The following DLGAP1 variants were observed in gnomAD, a reference collection of about 807,000 sequenced individuals.
DLGAP1 encodes the protein disks large-associated protein 1.
DLGAP1 carries 11 observed loss-of-function variants against 90.8 expected under a neutral mutation model. That is an observed-to-expected ratio of 0.12 (90% confidence interval 0.08 to 0.20). The LOEUF (loss-of-function observed/expected upper bound fraction) is 0.20. Ranked by LOEUF, DLGAP1 falls within the 10% of genes least tolerant of loss-of-function variation. DLGAP1 has a pLI of 1.00. For missense variants in DLGAP1, 1,050 were observed against 1,333.8 expected, an observed-to-expected ratio of 0.79 and a Z score of 3.31; for synonymous variants, 558 against 540.7, an observed-to-expected ratio of 1.03 and a Z score of -0.44.
intron 10 of DLGAP1, among the ~76,000 whole-genome samples, chr18:3,523,276 C>T (rs2051335141): frequency 6.6e-6 from 1 of 151,700 alleles, no homozygotes; most frequent in Non-Finnish European, 1.5e-5. Context: ...ACTCAGGAGG[C>T]TGAGGCAGGA....
At chr18:3,958,012 G>C (rs1406716240) in intron 3 of DLGAP1, among the ~76,000 whole-genome samples, 1 of 151,644 alleles carries the variant, frequency 6.6e-6, no homozygotes, top group Admixed American at 6.6e-5. Flanking sequence ...TCATGCCTCA[G>C]CCTCCTGAAT....
rs1568109204 is a variant in DLGAP1 at position 3,772,376 on chromosome 18, CTTTCTT to C, written c.1173-29870_1173-29865del. Among the ~76,000 whole-genome samples the C allele has an allele frequency of 7.2e-4, 15 of 20,830 alleles. 1 individual carries two copies. The South Asian group carries it at 9.5e-3, about 13-fold the overall frequency. 13.7% of individuals were successfully genotyped at this position (20,830 alleles called of 152,430 possible). A position where few individuals can be genotyped will look rare whatever the true frequency, so the allele number is the denominator to read the frequency against. On this transcript the variant is annotated intron_variant, in intron 5 of 12. Transcript: ENST00000315677. ...TCTTTCTTTCTTTCTTTCTTTCTTT[CTTTCTT>C]TCTTTCTTTCTTTCTTTCTTTCTTT...
intron 1 of DLGAP1, among the ~76,000 whole-genome samples, chr18:4,345,581 A>C (rs535916382): frequency 1.9e-4 from 29 of 152,354 alleles, no homozygotes; most frequent in African/African-American, 7.0e-4. Context: ...TAGGTTTCAC[A>C]CAACTATATT....
chr18:4,306,426 A>T (rs899166235), intron 1 of DLGAP1, among the ~76,000 whole-genome samples: 80 of 130,436 alleles, frequency 6.1e-4, no homozygotes, highest in African/African-American at 2.5e-3. Context: ...AGAAAGTAAG[A>T]GTGTGTGTGT....
intron 1 of DLGAP1, among the ~76,000 whole-genome samples, chr18:4,390,611 A>T (rs892712169): frequency 7.9e-5 from 12 of 152,146 alleles, no homozygotes; most frequent in African/African-American, 2.9e-4. Context: ...ATACAGTTGG[A>T]GTCATACAGT....
chr18:3,542,870 A>T (rs1280287911), intron 9 of DLGAP1, among the ~76,000 whole-genome samples: 3 of 152,212 alleles, frequency 2.0e-5, no homozygotes, highest in Non-Finnish European at 4.4e-5. Flanking sequence ...ATTCACACTT[A>T]TCTCTTGTTT....
intron 4 of DLGAP1, among the ~76,000 whole-genome samples, chr18:3,859,254 C>T (rs1057209426): frequency 2.0e-5 from 3 of 152,048 alleles, no homozygotes; most frequent in Admixed American, 6.6e-5. Flanking sequence ...GTGAAATATC[C>T]AGGGACCAGT....
intron 1 of DLGAP1, among the ~76,000 whole-genome samples, chr18:4,162,265 G>T (rs1401047984): frequency 6.6e-6 from 1 of 152,142 alleles, no homozygotes; most frequent in Admixed American, 6.5e-5. Flanking sequence ...ATACTCAAAA[G>T]CCTACTAGTT....
intron 3 of DLGAP1, among the ~76,000 whole-genome samples, chr18:3,883,704 C>G (rs984279010): frequency 4.6e-5 from 7 of 152,192 alleles, no homozygotes; most frequent in Non-Finnish European, 1.0e-4. Context: ...GACTGTGTGG[C>G]AAAGGCCAGG....
intron 2 of DLGAP1, among the ~76,000 whole-genome samples, chr18:4,015,456 G>A (rs2074506163): frequency 6.6e-6 from 1 of 152,168 alleles, no homozygotes; most frequent in Non-Finnish European, 1.5e-5. Context: ...TGGAAATTAA[G>A]GTAGTCTACT....
intron 3 of DLGAP1, among the ~76,000 whole-genome samples, chr18:3,880,814 G>A (rs191248470): frequency 0.037 from 5,661 of 151,480 alleles, 318 homozygotes; most frequent in African/African-American, 0.12. Flanking sequence ...GTGGTGGTGG[G>A]TGCCTGTAAT....
At chr18:3,597,195 C>T (rs376847676) in intron 7 of DLGAP1, 23 of 519,154 alleles carry the variant, frequency 4.4e-5, no homozygotes, top group East Asian at 3.8e-4. Context: ...TGAGAGCCAG[C>T]GAACTTTCTT....
At chr18:4,433,274 G>GA (rs1383865038) in intron 1 of DLGAP1, among the ~76,000 whole-genome samples, 1 of 152,202 alleles carries the variant, frequency 6.6e-6, no homozygotes, top group African/African-American at 2.4e-5. Context: ...TAAGGTGCCA[G>GA]AAAGGGACTA....
intron 5 of DLGAP1, chr18:3,774,089 A>G (rs1428287736): frequency 1.3e-5 from 2 of 152,182 alleles, no homozygotes; most frequent in Non-Finnish European, 2.9e-5. Context: ...GAAGGTCTGC[A>G]GCAGTCGCCA....
At chr18:3,558,747 A>G (rs2053904321) in intron 9 of DLGAP1, among the ~76,000 whole-genome samples, 2 of 151,984 alleles carry the variant, frequency 1.3e-5, no homozygotes. Flanking sequence ...TTTTCAATCT[A>G]TATCTGTCTT....
intron 2 of DLGAP1, among the ~76,000 whole-genome samples, chr18:4,035,012 C>CT (rs1186009749): frequency 1.3e-5 from 2 of 152,102 alleles, no homozygotes; most frequent in Non-Finnish European, 2.9e-5. Context: ...TGAACTCATC[C>CT]TTTTTTATGG....
intron 1 of DLGAP1, among the ~76,000 whole-genome samples, chr18:4,295,690 A>T (rs1473061964): frequency 6.6e-6 from 1 of 152,200 alleles, no homozygotes; most frequent in Non-Finnish European, 1.5e-5. Flanking sequence ...ATACTCTCTG[A>T]TCTTCTATTT....
intron 5 of DLGAP1, among the ~76,000 whole-genome samples, chr18:3,758,934 A>C (rs2063832060): frequency 6.6e-6 from 1 of 152,148 alleles, no homozygotes; most frequent in Non-Finnish European, 1.5e-5. Flanking sequence ...GACTTCATAA[A>C]GGGATCTATT....
chr18:4,090,114 C>G (rs1231456399), intron 2 of DLGAP1, among the ~76,000 whole-genome samples: 2 of 152,130 alleles, frequency 1.3e-5, no homozygotes, highest in African/African-American at 4.8e-5. Context: ...AGATTAAAGA[C>G]TTAAATGTAA....
Sources: allele counts gnomAD v4.1 joint callset (sites outside exome capture counted in the v4.1 genomes callset), GRCh38; gene constraint gnomAD v4.1.1; transcripts MANE v1.5; gene names NCBI Gene and HGNC (gene_info 2026-07-23, HGNC 2026-07-21).